CCM2: variants seen among roughly 807,000 people sequenced by gnomAD.
CCM2 encodes cerebral cavernous malformations 2 protein.
A neutral mutation model predicts 44.9 loss-of-function variants in CCM2; 25 were observed. The observed-to-expected ratio is 0.56, with a 90% confidence interval of 0.41 to 0.78. CCM2 has a LOEUF of 0.78. CCM2 is among the 30% of genes least tolerant of loss of function. CCM2 has a pLI of 0.00. For missense variants in CCM2, 481 were observed against 580.6 expected, an observed-to-expected ratio of 0.83 and a Z score of 1.76; for synonymous variants, 219 against 241.1, an observed-to-expected ratio of 0.91 and a Z score of 0.85.
chr7:45,023,407 G>A (rs898905626), intron 1 of CCM2, among the ~76,000 whole-genome samples: 5 of 152,100 alleles, frequency 3.3e-5, no homozygotes, highest in Non-Finnish European at 5.9e-5. Flanking sequence ...AAAATTAGCC[G>A]GGTGTGGTGT....
intron 2 of CCM2, among the ~76,000 whole-genome samples, chr7:45,041,067 A>G (rs563316007): frequency 1.8e-4 from 27 of 152,340 alleles, no homozygotes; most frequent in Admixed American, 1.6e-3. Context: ...TGCCAGGGAA[A>G]GGAACAAAGA....
At chr7:45,004,380 C>A (rs1795762464) in intron 1 of CCM2, among the ~76,000 whole-genome samples, 1 of 152,086 alleles carries the variant, frequency 6.6e-6, no homozygotes, top group Non-Finnish European at 1.5e-5. Flanking sequence ...TAGCTGAATG[C>A]TTTGGTAATG....
chr7:45,007,950 A>C (rs1467500087), intron 1 of CCM2, among the ~76,000 whole-genome samples: 1 of 152,202 alleles, frequency 6.6e-6, no homozygotes, highest in Non-Finnish European at 1.5e-5. Flanking sequence ...CAAAAAATCA[A>C]ATTTGCTTCC....
chr7:45,004,099 G>A (rs1260619365), intron 1 of CCM2, among the ~76,000 whole-genome samples: 1 of 152,170 alleles, frequency 6.6e-6, no homozygotes, highest in African/African-American at 2.4e-5. Flanking sequence ...AAGATCGCTT[G>A]AGCCCTGGAG....
At chr7:45,031,667 C>T (rs1393577845) in intron 1 of CCM2, among the ~76,000 whole-genome samples, 1 of 152,132 alleles carries the variant, frequency 6.6e-6, no homozygotes, top group Non-Finnish European at 1.5e-5. Context: ...AAGTGATCCT[C>T]CCACTTCAGC....
At chr7:45,070,112 G>C in intron 6 of CCM2, 151 bp downstream of exon 6, 1 of 944,140 alleles carries the variant, frequency 1.1e-6, no homozygotes, top group Non-Finnish European at 1.6e-6. Context: ...GTTCACATTA[G>C]CCCATAGGGT....
At chr7:45,019,867 A>C (rs182472080) in intron 1 of CCM2, among the ~76,000 whole-genome samples, 211 of 152,156 alleles carry the variant, frequency 1.4e-3, no homozygotes, top group Non-Finnish European at 2.2e-3. Context: ...GAGCTCCCGC[A>C]CCCAGCCATC....
At chr7:45,013,115 T>C (rs958660612) in intron 1 of CCM2, among the ~76,000 whole-genome samples, 1 of 152,152 alleles carries the variant, frequency 6.6e-6, no homozygotes, top group Non-Finnish European at 1.5e-5. Context: ...TGCTACTGGC[T>C]TTTTTGCTGT....
At chr7:45,045,823 C>G (rs528581930) in intron 2 of CCM2, among the ~76,000 whole-genome samples, 5 of 152,158 alleles carry the variant, frequency 3.3e-5, no homozygotes, top group Middle Eastern at 3.4e-3. Flanking sequence ...CAAACTCAGA[C>G]AAACAAGATA....
intron 8 of CCM2, 166 bp from the exon 9 acceptor site, chr7:45,074,104 G>A: frequency 1.4e-6 from 2 of 1,454,988 alleles, no homozygotes; most frequent in African/African-American, 1.4e-5. Flanking sequence ...GCCAGGTCTG[G>A]TAGGATGGGG....
chr7:45,073,919 T>G (rs1799213589), intron 8 of CCM2: 1 of 517,730 alleles, frequency 1.9e-6, no homozygotes, highest in Non-Finnish European at 3.5e-6. Context: ...CAAACTCAAG[T>G]CTTCCTGATT....
intron 1 of CCM2, among the ~76,000 whole-genome samples, chr7:45,015,377 A>G (rs1465595394): frequency 1.3e-5 from 2 of 152,204 alleles, no homozygotes; most frequent in East Asian, 3.8e-4. Flanking sequence ...AGCTGAAGAC[A>G]TGCTGCTGTT....
In CCM2 at chr7:45,075,720, G is replaced by A. The variant is rs182764453; in HGVS notation, c.1055-57G>A. 3.7e-6 allele frequency: 6 copies of A among 1,610,642 alleles called. No individual in the cohort carries two copies. The Admixed American group carries it at 1.0e-4, about 27-fold the overall frequency. On this transcript the variant is annotated intron_variant, in intron 9 of 9. Transcript: ENST00000258781. ...CAGGGGGCTTTGAGCCCTGAGAGAA[G>A]AGCTGAGTGGGCTGAGCCGAACTGG...
At chr7:45,009,459 C>CA (rs1465902596) in intron 1 of CCM2, among the ~76,000 whole-genome samples, 1 of 123,792 alleles carries the variant, frequency 8.1e-6, no homozygotes, top group African/African-American at 3.1e-5. Context: ...GGATGGAGTG[C>CA]AATGGCGTGA....
intron 2 of CCM2, among the ~76,000 whole-genome samples, chr7:45,044,457 G>A (rs4724353): frequency 0.53 from 80,158 of 151,940 alleles, 22,610 homozygotes; most frequent in African/African-American, 0.74. Context: ...TTTATATTAC[G>A]TTCTGAGTTC....
intron 3 of CCM2, 116 bp from the exon 4 acceptor site, chr7:45,064,347 A>G: frequency 1.0e-6 from 1 of 999,180 alleles, no homozygotes; most frequent in Non-Finnish European, 1.5e-6. Flanking sequence ...CACTGACCTT[A>G]TTCACTCAGC....
Position 45,064,011 on chromosome 7 carries a change from T to G in CCM2, c.288+10T>G, listed in dbSNP as rs1562906988. 1.3e-6 allele frequency: 2 copies of G among 1,595,336 alleles called. No homozygotes were observed. The highest frequency in any genetic ancestry group is 1.7e-4 in the Middle Eastern group (1 of 6,030). ...CATAGACAATGCAAAGGTAACCCTA[T>G]CCTCTTAACCCTGTGCACTAGCCCT... On this transcript the variant is annotated intron_variant, in intron 3 of 9. Transcript: ENST00000258781.
chr7:45,005,118 G>GTAGCTATTGCAGTGATTCTTGGA (rs1795795040), intron 1 of CCM2, among the ~76,000 whole-genome samples: 1 of 152,102 alleles, frequency 6.6e-6, no homozygotes, highest in African/African-American at 2.4e-5. Context: ...TTCCTCTTGG[G>GTAGCTATTGCAGTGATTCTTGGA]TAGCTATTGC....
intron 5 of CCM2, 127 bp from the exon 6 acceptor site, chr7:45,069,699 A>G: frequency 8.2e-7 from 1 of 1,225,900 alleles, no homozygotes; most frequent in East Asian, 2.4e-5. Flanking sequence ...GCAGAGGGAC[A>G]CATTCTGGTA....
Sources: allele counts gnomAD v4.1 joint callset (sites outside exome capture counted in the v4.1 genomes callset), GRCh38; gene constraint gnomAD v4.1.1; transcripts MANE v1.5; gene names NCBI Gene and HGNC (gene_info 2026-07-23, HGNC 2026-07-21).